KIF24: variants seen among roughly 807,000 people sequenced by gnomAD.
KIF24 encodes the protein kinesin-like protein KIF24.
A neutral mutation model predicts 118.9 loss-of-function variants in KIF24; 81 were observed. That is an observed-to-expected ratio of 0.68 (90% confidence interval 0.57 to 0.82). The LOEUF is 0.82. Among genes scored for constraint, KIF24 ranks in the 40% least tolerant of loss-of-function variants. The probability of loss-of-function intolerance (pLI) is 0.00; values close to 1 mark genes in which losing one functional copy is unlikely to be tolerated. For synonymous variants in KIF24, 599 were observed against 610.0 expected, an observed-to-expected ratio of 0.98 and a Z score of 0.27; for missense variants, 1,560 against 1,661.6, an observed-to-expected ratio of 0.94 and a Z score of 1.06.
At position 34,310,875 on chromosome 9, in the gene KIF24, C is replaced by T. The variant is rs1432192801; in HGVS notation, c.472G>A (p.Ala158Thr). 2 of 1,613,858 alleles carry T rather than the reference C, an allele frequency of 1.2e-6. No individual in the cohort carries two copies. ...TCTGTTTGCACATAGGAATCACCAG[C>T]TGTGGCATTCAGAATTCCTGTTTTT... ...HTKTGILNAT[A>T]GDSYVQTEIS... The change falls in exon 2 of 13, where the codon GCT becomes ACT. Residue 158 changes from alanine (A) to threonine (T), a missense_variant. Physicochemically the swap from Ala to Thr is moderately conservative, Grantham distance 58. This residue lies in a region of KIF24 where 964 missense variants were observed against 988.0 expected (regional missense o/e 0.98). Coordinates refer to ENST00000402558, the MANE Select transcript of KIF24 (RefSeq NM_194313.4).
chr9:34,275,130 A>G (rs999275189), intron 6 of KIF24, among the ~76,000 whole-genome samples: 1 of 152,208 alleles, frequency 6.6e-6, no homozygotes, highest in African/African-American at 2.4e-5. Flanking sequence ...ATGGTGGCTT[A>G]CACCTGTAAT....
intron 6 of KIF24, among the ~76,000 whole-genome samples, chr9:34,285,701 G>T (rs1307431907): frequency 6.6e-6 from 1 of 151,208 alleles, no homozygotes; most frequent in Non-Finnish European, 1.5e-5. Context: ...CATGAACCCG[G>T]GAGGCAGAGC....
intron 6 of KIF24, among the ~76,000 whole-genome samples, chr9:34,273,134 C>A (rs181492554): frequency 2.4e-4 from 37 of 151,536 alleles, no homozygotes; most frequent in African/African-American, 8.7e-4. Context: ...ACTGTATTCA[C>A]TTTTAAAGCC....
Position 34,256,517 on chromosome 9 carries a change from T to C in KIF24, c.3090A>G (p.Pro1030=), listed in dbSNP as rs575389553. ...TSTVKNGHAV[P]GEDPRGQLGT... ...CTAACTGCCCCCTAGGATCCTCTCC[T>C]GGGACAGCATGACCGTTTTTCACAG... is the stretch of plus-strand genomic sequence containing the variant. Residue 1030 remains proline (P), a synonymous_variant, in exon 11 of 13, where the codon CCA becomes CCG. Transcript: ENST00000402558. 1 of 1,613,976 alleles carries C rather than the reference T, an allele frequency of 6.2e-7. No individual in the cohort carries two copies. The highest frequency in any genetic ancestry group is 1.7e-5 in the Admixed American group (1 of 60,022).
intron 6 of KIF24, among the ~76,000 whole-genome samples, chr9:34,277,626 G>A (rs1411819396): frequency 6.6e-6 from 1 of 152,132 alleles, no homozygotes; most frequent in African/African-American, 2.4e-5. Context: ...GTATCTCTAA[G>A]TGCATCTCAG....
chr9:34,257,391 C>G lies in KIF24; in HGVS notation c.2216G>C (p.Arg739Thr), dbSNP rs1834894456. Residue 739 changes from arginine (R) to threonine (T), a missense_variant, in exon 11 of 13, where the codon AGG becomes ACG. This residue lies in a region of KIF24 where 964 missense variants were observed against 988.0 expected (regional missense o/e 0.98). Transcript: ENST00000402558. ...HRAEYSQDSQRGTPARPASEA... is the reference protein window; with the variant it reads ...HRAEYSQDSQTGTPARPASEA... Reference sequence around the variant, plus strand: ...AGAGGCAGGCCTAGCAGGCGTGCCCCTCTGGCTGTCTTGACTGTACTCAGC... The same window carrying G: ...AGAGGCAGGCCTAGCAGGCGTGCCCGTCTGGCTGTCTTGACTGTACTCAGC... 1 of 1,614,070 alleles carries G rather than the reference C, an allele frequency of 6.2e-7. No individual in the cohort carries two copies. Among genetic ancestry groups the G allele is most frequent in the Non-Finnish European group, 8.5e-7 (1 of 1,179,910 alleles).
chr9:34,293,712 C>A (rs1836347328), intron 4 of KIF24, among the ~76,000 whole-genome samples: 1 of 151,482 alleles, frequency 6.6e-6, no homozygotes, highest in Non-Finnish European at 1.5e-5. Flanking sequence ...GGAGGCGGAG[C>A]TTGCAGTAAG....
intron 12 of KIF24, among the ~76,000 whole-genome samples, 154 bp from the exon 13 acceptor site, chr9:34,254,674 G>C (rs529099493): frequency 2.0e-5 from 3 of 152,192 alleles, no homozygotes; most frequent in Non-Finnish European, 2.9e-5. Context: ...GCACAGGGTG[G>C]GGCCTGCTGC....
Position 34,257,486 on chromosome 9 carries a change from C to A in KIF24, c.2121G>T (p.Gln707His), listed in dbSNP as rs1219312099. The change falls in exon 11 of 13, where the codon CAG (glutamine) becomes CAT (histidine). Residue 707 changes from glutamine (Q) to histidine (H), a missense_variant. Transcript: ENST00000402558. ...GKLSTKCKKV[Q>H]TVQPVQKQLV... Reference sequence around the variant, plus strand: ...GCTGCTTCTGTACTGGCTGCACTGTCTGCACTTTCTTGCACTTGGTGGACA... The same window carrying A: ...GCTGCTTCTGTACTGGCTGCACTGTATGCACTTTCTTGCACTTGGTGGACA... 2 of 1,614,082 alleles carry A rather than the reference C, an allele frequency of 1.2e-6. No individual in the cohort carries two copies. Among genetic ancestry groups the A allele is most frequent in the East Asian group, 2.2e-5 (1 of 44,886 alleles).
chr9:34,327,865 G>C (rs1373611182), intron 1 of KIF24, among the ~76,000 whole-genome samples: 3 of 149,496 alleles, frequency 2.0e-5, no homozygotes, highest in Non-Finnish European at 4.5e-5. Flanking sequence ...TAATAATAAA[G>C]GGACTAAATG....
intron 3 of KIF24, among the ~76,000 whole-genome samples, chr9:34,298,528 G>A (rs1168016588): frequency 4.2e-5 from 6 of 142,144 alleles, no homozygotes; most frequent in African/African-American, 7.5e-5. Flanking sequence ...CCTGGGCAAC[G>A]AGCAAAACTC....
At chr9:34,261,627 C>T (rs1462370053) in intron 9 of KIF24, among the ~76,000 whole-genome samples, 1 of 152,150 alleles carries the variant, frequency 6.6e-6, no homozygotes, top group African/African-American at 2.4e-5. Context: ...TTGTTACTTC[C>T]AAATAGATCC....
intron 5 of KIF24, among the ~76,000 whole-genome samples, chr9:34,289,873 G>A (rs963497163): frequency 1.3e-5 from 2 of 152,310 alleles, no homozygotes; most frequent in Middle Eastern, 3.4e-3. Flanking sequence ...GTTTAAGTAC[G>A]TGTTGATTTC....
At chr9:34,291,719 CATA>C (rs1165827801) in intron 4 of KIF24, among the ~76,000 whole-genome samples, 1 of 151,852 alleles carries the variant, frequency 6.6e-6, no homozygotes, top group Non-Finnish European at 1.5e-5. Flanking sequence ...AGAGAATGAA[CATA>C]ATCTTAGAGC....
chr9:34,284,570 C>T (rs1835966918), intron 6 of KIF24, among the ~76,000 whole-genome samples: 1 of 152,040 alleles, frequency 6.6e-6, no homozygotes, highest in Non-Finnish European at 1.5e-5. Flanking sequence ...TAATATTGAG[C>T]AAAAGAAACA....
At chr9:34,283,275 T>A (rs1835920437) in intron 6 of KIF24, among the ~76,000 whole-genome samples, 1 of 150,712 alleles carries the variant, frequency 6.6e-6, no homozygotes, top group Non-Finnish European at 1.5e-5. Context: ...GAGACTGAGG[T>A]GGGAAGGATC....
chr9:34,277,277 T>C (rs1336783867), intron 6 of KIF24, among the ~76,000 whole-genome samples: 3 of 152,166 alleles, frequency 2.0e-5, no homozygotes, highest in African/African-American at 7.2e-5. Flanking sequence ...TTTACATTTG[T>C]AAAAGCAATA....
At chr9:34,254,771 A>C (rs1044256297) in intron 12 of KIF24, among the ~76,000 whole-genome samples, 2 of 152,154 alleles carry the variant, frequency 1.3e-5, no homozygotes, top group African/African-American at 4.8e-5. Flanking sequence ...GGTAGGCAGC[A>C]GACTGGTCAC....
Position 34,311,087 on chromosome 9 carries a change from G to A in KIF24, c.260C>T (p.Ser87Phe), listed in dbSNP as rs1250499627. 2 of 1,613,704 alleles carry A rather than the reference G, an allele frequency of 1.2e-6. No individual in the cohort carries two copies. Among genetic ancestry groups the A allele is most frequent in the African/African-American group, 2.7e-5 (2 of 74,926 alleles). Residue 87 changes from serine to phenylalanine, a missense_variant, in exon 2 of 13, where the codon TCT becomes TTT. Ser to Phe is a radical substitution (Grantham distance 155). This residue lies in a region of KIF24 where 964 missense variants were observed against 988.0 expected (regional missense o/e 0.98). Coordinates refer to ENST00000402558, the MANE Select transcript of KIF24 (RefSeq NM_194313.4). ...HLQTSSLRIK[S>F]QELRSGPRRQ... ...GCGAGGGCCAGATCTTAATTCCTGA[G>A]ATTTGATGCGCAGGCTGCTTGTCTG...
Sources: allele counts gnomAD v4.1 joint callset (sites outside exome capture counted in the v4.1 genomes callset), GRCh38; gene constraint gnomAD v4.1.1; regional missense constraint gnomAD v4.1.1; transcripts MANE v1.5; gene names NCBI Gene and HGNC (gene_info 2026-07-23, HGNC 2026-07-21).